Variants in PTPRD observed in about 807,000 individuals in gnomAD.
PTPRD encodes receptor-type tyrosine-protein phosphatase delta.
Under a neutral mutation model 214.5 loss-of-function variants are expected in PTPRD, and 34 were observed. The ratio of observed to expected loss-of-function variants is 0.16; its 90% CI spans 0.12 to 0.21. The LOEUF (loss-of-function observed/expected upper bound fraction) is 0.21, where lower values mean the gene tolerates loss of function less well. Ranked by LOEUF, PTPRD falls within the 10% of genes least tolerant of loss-of-function variation. The pLI is 1.00. For missense variants in PTPRD, 2,545 were observed against 2,398.7 expected (o/e 1.06, Z -1.27); for synonymous variants, 1,128 against 845.7 (o/e 1.33, Z -5.79).
intron 2 of PTPRD, among the ~76,000 whole-genome samples, chr9:10,376,910 A>C (rs1205655344): frequency 6.6e-6 from 1 of 151,978 alleles, no homozygotes; most frequent in Non-Finnish European, 1.5e-5. Flanking sequence ...AAACAATCCA[A>C]TTATAGTCTT....
chr9:9,904,816 T>C (rs530715872), intron 5 of PTPRD, among the ~76,000 whole-genome samples: 1 of 152,178 alleles, frequency 6.6e-6, no homozygotes, highest in Admixed American at 6.6e-5. Flanking sequence ...CGAAGTTTTG[T>C]TCAACCAAGA....
At chr9:9,655,613 ACCAAG>A (rs1245734792) in intron 7 of PTPRD, among the ~76,000 whole-genome samples, 11 of 133,000 alleles carry the variant, frequency 8.3e-5, no homozygotes, top group African/African-American at 3.2e-4. Context: ...ACCAAACCAA[ACCAAG>A]CCAAACCAAA....
intron 8 of PTPRD, among the ~76,000 whole-genome samples, chr9:9,540,177 T>C (rs2154271302): frequency 6.6e-6 from 1 of 151,984 alleles, no homozygotes; most frequent in Non-Finnish European, 1.5e-5. Context: ...ACTTGGCTAA[T>C]ATCTGCCACC....
intron 9 of PTPRD, among the ~76,000 whole-genome samples, chr9:9,325,807 C>T (rs1969765361): frequency 6.6e-6 from 1 of 152,136 alleles, no homozygotes; most frequent in Non-Finnish European, 1.5e-5. Context: ...TTTGCCCATT[C>T]AGTATAATAC....
chr9:10,042,344 T>C (rs1172835564), intron 3 of PTPRD, among the ~76,000 whole-genome samples: 1 of 151,808 alleles, frequency 6.6e-6, no homozygotes, highest in East Asian at 1.9e-4. Flanking sequence ...TCAAAGTAGA[T>C]TAATCTATTA....
intron 5 of PTPRD, among the ~76,000 whole-genome samples, chr9:9,805,582 A>C (rs1378956490): frequency 2.0e-5 from 3 of 152,178 alleles, no homozygotes; most frequent in Non-Finnish European, 2.9e-5. Flanking sequence ...CTTTTCTTTT[A>C]TTATAACTCA....
At chr9:9,638,661 G>T (rs956006922) in intron 7 of PTPRD, among the ~76,000 whole-genome samples, 1 of 152,038 alleles carries the variant, frequency 6.6e-6, no homozygotes, top group Non-Finnish European at 1.5e-5. Context: ...ACCTAGTGCC[G>T]AAACCACTTC....
At chr9:10,157,088 G>C (rs13290803) in intron 3 of PTPRD, among the ~76,000 whole-genome samples, 30,858 of 151,862 alleles carry the variant, frequency 0.2, 3,385 homozygotes, top group Admixed American at 0.33. Flanking sequence ...TACCCAGTTT[G>C]TCACTCTGTG....
At chr9:8,996,993 C>A (rs1381009859) in intron 11 of PTPRD, among the ~76,000 whole-genome samples, 1 of 152,056 alleles carries the variant, frequency 6.6e-6, no homozygotes, top group African/African-American at 2.4e-5. Flanking sequence ...ACTTACACCT[C>A]AATGAACCTG....
chr9:8,737,783 TG>T (rs2090842532), intron 11 of PTPRD, among the ~76,000 whole-genome samples: 1 of 152,158 alleles, frequency 6.6e-6, no homozygotes, highest in Admixed American at 6.5e-5. Flanking sequence ...CCTGAGTGGC[TG>T]GGATTACAGG....
At chr9:9,296,661 A>G (rs1454685024) in intron 9 of PTPRD, among the ~76,000 whole-genome samples, 1 of 151,708 alleles carries the variant, frequency 6.6e-6, no homozygotes, top group Non-Finnish European at 1.5e-5. Context: ...ATGTCAGTTA[A>G]GAGAGAGAAT....
At chr9:8,421,521 G>A (rs1038186029) in intron 35 of PTPRD, among the ~76,000 whole-genome samples, 3 of 152,054 alleles carry the variant, frequency 2.0e-5, no homozygotes, top group African/African-American at 7.2e-5. Context: ...TAAAACTGAA[G>A]ACCCTGTAAT....
intron 30 of PTPRD, among the ~76,000 whole-genome samples, chr9:8,472,154 C>T (rs1428487467): frequency 6.6e-6 from 1 of 152,064 alleles, no homozygotes; most frequent in African/African-American, 2.4e-5. Context: ...GGACGCAAAG[C>T]TACATTTATC....
intron 12 of PTPRD, among the ~76,000 whole-genome samples, chr9:8,639,298 AG>A (rs1201120566): frequency 1.3e-5 from 2 of 152,258 alleles, no homozygotes; most frequent in African/African-American, 4.8e-5. Flanking sequence ...CTTGCTTGTC[AG>A]TAACCAATGG....
intron 9 of PTPRD, among the ~76,000 whole-genome samples, chr9:9,315,557 C>G (rs12338931): frequency 6.6e-6 from 1 of 151,872 alleles, no homozygotes; most frequent in Admixed American, 6.6e-5. Flanking sequence ...AAAACCTAGT[C>G]TGATGAAATT....
chr9:9,348,461 A>C (rs1462609374), intron 9 of PTPRD, among the ~76,000 whole-genome samples: 3 of 152,138 alleles, frequency 2.0e-5, no homozygotes, highest in Admixed American at 2.0e-4. Flanking sequence ...TAAAACAGTA[A>C]TGTTAAGAAT....
At chr9:10,114,222 T>C (rs2098712838) in intron 3 of PTPRD, among the ~76,000 whole-genome samples, 1 of 152,146 alleles carries the variant, frequency 6.6e-6, no homozygotes, top group African/African-American at 2.4e-5. Context: ...ATTATGTGCC[T>C]TTATAGAGTT....
chr9:8,328,026 T>A (rs1421734167), intron 44 of PTPRD, among the ~76,000 whole-genome samples: 1 of 152,176 alleles, frequency 6.6e-6, no homozygotes, highest in Non-Finnish European at 1.5e-5. Flanking sequence ...ACATTTAAGG[T>A]TAATAAGGTT....
intron 4 of PTPRD, among the ~76,000 whole-genome samples, chr9:9,968,020 G>C (rs536499401): frequency 6.6e-6 from 1 of 152,240 alleles, no homozygotes; most frequent in East Asian, 1.9e-4. Context: ...AGAAGACAGT[G>C]ATAAAAATGT....
Sources: gnomAD v4.1 joint callset for allele counts (sites outside exome capture counted in the v4.1 genomes callset) on GRCh38, gnomAD v4.1.1 for gene constraint, MANE v1.5 for transcripts, NCBI Gene and HGNC (gene_info 2026-07-23, HGNC 2026-07-21) for gene names.